Variants in ECPAS observed in about 807,000 individuals in gnomAD.
The protein encoded by ECPAS is proteasome adapter and scaffold protein ECM29.
In ECPAS, 70 loss-of-function variants were observed where a neutral mutation model predicts 255.1. The observed-to-expected ratio is 0.27, with a 90% CI of 0.23 to 0.33. ECPAS has a LOEUF of 0.33. Ranked by LOEUF, ECPAS falls within the 10% of genes least tolerant of loss-of-function variation. The pLI is 1.00. For missense variants in ECPAS, 1,817 were observed against 2,206.4 expected (o/e 0.82, Z 3.54); for synonymous variants, 784 against 775.0 (o/e 1.01, Z -0.19).
chr9:111,471,482 G>A (rs1332930081), intron 2 of ECPAS, among the ~76,000 whole-genome samples: 2 of 152,022 alleles, frequency 1.3e-5, no homozygotes, highest in East Asian at 3.9e-4. Flanking sequence ...AAACATAGTA[G>A]AATGCATAGG....
chr9:111,404,813 C>CAAAA (rs35277070), intron 24 of ECPAS, among the ~76,000 whole-genome samples: 21 of 52,820 alleles, frequency 4.0e-4, no homozygotes, highest in Middle Eastern at 0.014. Context: ...TAATAGCTAC[C>CAAAA]AAAAAAAAAA....
intron 2 of ECPAS, among the ~76,000 whole-genome samples, chr9:111,468,547 C>G (rs2098282228): frequency 6.6e-6 from 1 of 151,518 alleles, no homozygotes; most frequent in Non-Finnish European, 1.5e-5. Context: ...AAGGGGTGAA[C>G]CAGTAAAAGG....
intron 12 of ECPAS, among the ~76,000 whole-genome samples, chr9:111,423,874 T>G (rs2098217796): frequency 6.6e-6 from 1 of 152,204 alleles, no homozygotes; most frequent in South Asian, 2.1e-4. Flanking sequence ...ACAATAAACT[T>G]CTACCAGTTA....
intron 16 of ECPAS, 70 bp from the exon 17 acceptor site, chr9:111,418,076 G>T (rs1208346291): frequency 4.3e-6 from 6 of 1,392,844 alleles, no homozygotes; most frequent in South Asian, 1.5e-5. Context: ...TGAAGAATAA[G>T]AACAGCAATT....
At chr9:111,479,370 G>A (rs2098300629) in intron 1 of ECPAS, among the ~76,000 whole-genome samples, 1 of 149,996 alleles carries the variant, frequency 6.7e-6, no homozygotes, top group Non-Finnish European at 1.5e-5. Context: ...GACCAGGAGG[G>A]GCGGATCATG....
At chr9:111,435,983 C>T (rs1261482326) in intron 7 of ECPAS, among the ~76,000 whole-genome samples, 1 of 150,612 alleles carries the variant, frequency 6.6e-6, no homozygotes, top group Admixed American at 6.6e-5. Context: ...CCACTGCGCC[C>T]GGCCTCTGTT....
At chr9:111,470,554 C>T (rs1367730921) in intron 2 of ECPAS, among the ~76,000 whole-genome samples, 2 of 152,250 alleles carry the variant, frequency 1.3e-5, no homozygotes, top group Non-Finnish European at 2.9e-5. Context: ...TCGTGATCCG[C>T]CCGCCTCGGC....
intron 39 of ECPAS, 64 bp from the exon 40 acceptor site, chr9:111,373,470 G>C: frequency 8.8e-6 from 12 of 1,364,174 alleles, no homozygotes; most frequent in Non-Finnish European, 1.1e-5. Flanking sequence ...TCTGTTCCCA[G>C]AACCCAAACA....
intron 24 of ECPAS, among the ~76,000 whole-genome samples, chr9:111,399,987 T>C (rs755690250): frequency 4.6e-5 from 7 of 152,248 alleles, no homozygotes; most frequent in Non-Finnish European, 8.8e-5. Flanking sequence ...CCCAGCATGG[T>C]GCTAGCTGCT....
chr9:111,473,410 C>T (rs900659801), intron 1 of ECPAS, among the ~76,000 whole-genome samples: 2 of 152,158 alleles, frequency 1.3e-5, no homozygotes, highest in Non-Finnish European at 2.9e-5. Flanking sequence ...TAGCACATTA[C>T]ATATGAGAAC....
At chr9:111,470,398 C>T (rs1431301992) in intron 2 of ECPAS, among the ~76,000 whole-genome samples, 2 of 152,024 alleles carry the variant, frequency 1.3e-5, no homozygotes, top group Admixed American at 6.6e-5. Context: ...ACAACCTCCC[C>T]GTCCCGGGTT....
At chr9:111,455,975 G>A (rs550614182) in intron 2 of ECPAS, among the ~76,000 whole-genome samples, 2 of 152,250 alleles carry the variant, frequency 1.3e-5, no homozygotes, top group Admixed American at 6.5e-5. Context: ...AGCTAGGGGC[G>A]AACTGGGAGT....
rs1412922832 is a variant in ECPAS at position 111,373,360 on chromosome 9, A to G, written c.4224T>C (p.Ser1408=). The G allele has an allele frequency of 1.9e-6, 3 of 1,613,772 alleles. No homozygotes were observed. The African/African-American group carries it at 4.0e-5, about 22-fold the overall frequency. The change falls in exon 40 of 50, where the codon AGT becomes AGC. Residue 1408 remains serine, a synonymous_variant. Transcript: ENST00000684092. The stretch of plus-strand genomic sequence containing the variant: ...CAAATGCACAAGATTTCTGAATCAC[A>G]CTGTTCCGATCTGTCAGGCCACTCA... ...ALLSGLTDRN[S]VIQKSCAFAM...
At chr9:111,406,087 C>T (rs1355916914) in intron 24 of ECPAS, among the ~76,000 whole-genome samples, 2 of 149,794 alleles carry the variant, frequency 1.3e-5, no homozygotes, top group African/African-American at 5.1e-5. Context: ...TACTGCAGCA[C>T]TATTAACAAT....
intron 16 of ECPAS, among the ~76,000 whole-genome samples, chr9:111,418,445 T>G (rs995616048): frequency 6.6e-6 from 1 of 152,146 alleles, no homozygotes; most frequent in Non-Finnish European, 1.5e-5. Context: ...ATAAGTGACA[T>G]TAAAGTGTAA....
intron 49 of ECPAS, among the ~76,000 whole-genome samples, chr9:111,362,491 C>T (rs1191206072): frequency 6.6e-6 from 1 of 151,718 alleles, no homozygotes; most frequent in African/African-American, 2.4e-5. Context: ...GCAAGGCACA[C>T]TGCAGCAAAA....
chr9:111,383,638 G>T (rs1016256723), intron 34 of ECPAS, among the ~76,000 whole-genome samples: 1 of 152,172 alleles, frequency 6.6e-6, no homozygotes, highest in Non-Finnish European at 1.5e-5. Context: ...AAAAGGTTTA[G>T]GGCTGGGTGC....
intron 39 of ECPAS, among the ~76,000 whole-genome samples, chr9:111,373,743 T>C (rs144389187): frequency 3.0e-4 from 46 of 152,292 alleles, no homozygotes; most frequent in Non-Finnish European, 5.6e-4. Context: ...TTTACCTCCT[T>C]ATACCACTAA....
chr9:111,379,355 G>A (rs1277092352), intron 35 of ECPAS, among the ~76,000 whole-genome samples: 2 of 152,212 alleles, frequency 1.3e-5, no homozygotes, highest in Admixed American at 6.5e-5. Flanking sequence ...AGTCTATTAA[G>A]TGTGCAATAG....
Sources: allele counts gnomAD v4.1 joint callset (sites outside exome capture counted in the v4.1 genomes callset), GRCh38; gene constraint gnomAD v4.1.1; transcripts MANE v1.5; gene names NCBI Gene and HGNC (gene_info 2026-07-23, HGNC 2026-07-21).